Variants in URB1 observed in about 807,000 individuals in gnomAD.
URB1 encodes nucleolar pre-ribosomal-associated protein 1.
In URB1, 197 loss-of-function variants were observed where a neutral mutation model predicts 242.3. That is an observed-to-expected ratio of 0.81 (90% CI 0.72 to 0.91). The LOEUF is 0.91. URB1 is among the 40% of genes least tolerant of loss of function. URB1 has a pLI of 0.00. For synonymous variants in URB1, 1,153 were observed against 1,201.8 expected (o/e 0.96, Z 0.84); for missense variants, 2,721 against 2,860.5 (o/e 0.95, Z 1.11).
intron 28 of URB1, 32 bp downstream of exon 28, chr21:32,337,062 A>G: frequency 6.5e-7 from 1 of 1,546,318 alleles, no homozygotes; most frequent in Non-Finnish European, 8.8e-7. Context: ...CTGTGACCTC[A>G]AGGCCTAGTC....
rs932270408 is a variant in URB1 at position 32,317,165 on chromosome 21, T to C, written c.6035-100A>G. 7.0e-6 allele frequency: 10 copies of C among 1,428,638 alleles called. No individual in the cohort carries two copies. The Admixed American group carries it at 2.8e-4, about 41-fold the overall frequency. 88.5% of individuals were successfully genotyped at this position (1,428,638 alleles called of 1,614,324 possible). A position where few individuals can be genotyped will look rare whatever the true frequency, so the allele number is the denominator to read the frequency against. ...TCAATGGGGGACACGAGGGGCGGCT[T>C]GCATGTCCTGAGCACCCGGCCCTGC... On this transcript the variant is annotated intron_variant, in intron 37 of 38. Coordinates refer to ENST00000382751, the MANE Select transcript of URB1 (RefSeq NM_014825.3).
chr21:32,392,994 T>C lies in URB1; in HGVS notation c.-84A>G, dbSNP rs2033658643. On this transcript the variant is annotated 5_prime_UTR_variant, in exon 1 of 39. The change abolishes the stop of an existing upstream ORF in the 5' untranslated region. Transcript: ENST00000382751. ...CTGGCACAGACAGCAGACACGCGCT[T>C]CAGGCCCACATGGCGCAGGAAGAGG... is the stretch of plus-strand genomic sequence containing the variant. The C allele has an allele frequency of 7.1e-7, 1 of 1,400,174 alleles. No homozygotes were observed. The highest frequency in any genetic ancestry group is 2.7e-5 in the East Asian group (1 of 36,844). 86.7% of individuals were successfully genotyped at this position (1,400,174 alleles called of 1,614,324 possible). A position where few individuals can be genotyped will look rare whatever the true frequency, so the allele number is the denominator to read the frequency against.
intron 15 of URB1, among the ~76,000 whole-genome samples, chr21:32,356,306 C>T (rs2033219853): frequency 6.6e-6 from 1 of 152,190 alleles, no homozygotes; most frequent in African/African-American, 2.4e-5. Flanking sequence ...TTGGGAGGAT[C>T]ACTTGAGCCC....
Position 32,333,300 on chromosome 21 carries a change from G to C in URB1, c.4960+17C>G. ...TCATGCATAGCAAGCCCTGACCCAAGAGAAGACTGCAGTTACCTGGCCTGG... is the reference window on the plus strand; with the variant it reads ...TCATGCATAGCAAGCCCTGACCCAACAGAAGACTGCAGTTACCTGGCCTGG... On this transcript the variant is annotated intron_variant, in intron 30 of 38. Transcript: ENST00000382751. 6.4e-7 allele frequency: 1 copy of C among 1,550,538 alleles called. No individual in the cohort carries two copies. The highest frequency in any genetic ancestry group is 8.7e-7 in the Non-Finnish European group (1 of 1,145,806).
At chr21:32,374,343 C>T (rs930674483) in intron 6 of URB1, among the ~76,000 whole-genome samples, 1 of 152,168 alleles carries the variant, frequency 6.6e-6, no homozygotes, top group African/African-American at 2.4e-5. Context: ...AACCTAACCC[C>T]AGAATCCCTA....
rs537249629 is a variant in URB1, at chr21:32,345,310, T to C, written c.4070+64A>G. ...GCAGCAGTTTTTCAATGACTTACTC[T>C]ATGAATTAAAAAAAAAATGACACCG... is the stretch of plus-strand genomic sequence containing the variant. On this transcript the variant is annotated intron_variant, in intron 23 of 38. Transcript: ENST00000382751. 351 of 1,507,744 alleles carry C rather than the reference T, an allele frequency of 2.3e-4. 5 individuals carry two copies. The South Asian group carries it at 4.0e-3, about 17-fold the overall frequency. The allele number at this position is 1,507,744 out of a possible 1,614,324, so 93.4% of individuals were successfully genotyped here.
At chr21:32,384,548 G>T (rs2033560859) in intron 2 of URB1, 84 bp from the exon 3 acceptor site, 1 of 1,475,556 alleles carries the variant, frequency 6.8e-7, no homozygotes, top group African/African-American at 1.4e-5. Context: ...CTTAGCCATA[G>T]TTACTTGTAG....
At chr21:32,369,975 C>CAAAAA (rs34377037) in intron 8 of URB1, among the ~76,000 whole-genome samples, 1 of 88,556 alleles carries the variant, frequency 1.1e-5, no homozygotes, top group African/African-American at 4.0e-5. Flanking sequence ...GTCTCCATCT[C>CAAAAA]AAAAAAAAAA....
At chr21:32,337,565 A>C in intron 26 of URB1, 51 bp from the exon 27 acceptor site, 1 of 1,469,284 alleles carries the variant, frequency 6.8e-7, no homozygotes, top group Non-Finnish European at 9.3e-7. Flanking sequence ...AGACACACTG[A>C]ATACCAGAAG....
At chr21:32,372,077 C>G (rs1244064135) in intron 8 of URB1, among the ~76,000 whole-genome samples, 2 of 152,196 alleles carry the variant, frequency 1.3e-5, no homozygotes, top group Non-Finnish European at 2.9e-5. Flanking sequence ...CAACCTCTGC[C>G]ATTTAACCAG....
At chr21:32,332,227 A>G (rs898569272) in intron 30 of URB1, among the ~76,000 whole-genome samples, 57 of 152,142 alleles carry the variant, frequency 3.7e-4, no homozygotes, top group Non-Finnish European at 8.8e-5. Context: ...AGATAGAAAC[A>G]TAAGAAAAAT....
chr21:32,316,534 C>A lies in URB1; in HGVS notation c.6566G>T (p.Ser2189Ile), dbSNP rs1034656760. 3.9e-6 allele frequency: 6 copies of A among 1,550,340 alleles called. No individual in the cohort carries two copies. The African/African-American group carries it at 8.2e-5, about 21-fold the overall frequency. The stretch of plus-strand genomic sequence containing the variant: ...GGCTTCCATGGCCGGGTGGAAGGGG[C>A]TCCCTGCCCGGCCCTGGGCAGCCAC... ...QLVAAQGRAG[S>I]PFHPAMEALS... The change falls in exon 38 of 39, where the codon AGC becomes ATC. Residue 2189 changes from serine to isoleucine, a missense_variant. By Grantham distance (142) the Ser-to-Ile change is moderately radical (BLOSUM62 -2). Coordinates refer to ENST00000382751, the MANE Select transcript of URB1 (RefSeq NM_014825.3).
rs200312105 is a variant in URB1, at chr21:32,349,333, C to T, written c.2983G>A (p.Val995Met). 2.8e-3 allele frequency: 4,262 copies of T among 1,548,836 alleles called. 10 individuals are homozygous for T. Among genetic ancestry groups the T allele is most frequent in the East Asian group, 6.0e-3 (245 of 40,854 alleles). ...TCATTGGCCAACTCCAGCGAGGCCA[C>T]GGACTCCATGTCCAGGAAGAGGTCG... ...EADLFLDMES[V>M]ASLELANDQT... Residue 995 changes from valine (V) to methionine (M), a missense_variant, in exon 21 of 39, where the codon GTG (valine) becomes ATG (methionine). Coordinates refer to ENST00000382751, the MANE Select transcript of URB1 (RefSeq NM_014825.3).
intron 30 of URB1, among the ~76,000 whole-genome samples, chr21:32,327,051 T>G (rs1184259461): frequency 6.6e-6 from 1 of 151,964 alleles, no homozygotes. Context: ...TGGCCAAAAC[T>G]TTTTGAAATC....
At chr21:32,331,248 C>G (rs1186721429) in intron 30 of URB1, among the ~76,000 whole-genome samples, 1 of 152,138 alleles carries the variant, frequency 6.6e-6, no homozygotes, top group Admixed American at 6.5e-5. Flanking sequence ...CAACAGTTCT[C>G]CCTCTAGAAT....
rs763857348 is a variant in URB1, at chr21:32,361,129, CA to C, written c.1640-7del. ...AAGAATGGTTTCTGCATCATCTGCA[CA>C]AAAAAAAGAAAAAGAAAGAAAAAGA... On this transcript the variant is annotated splice_region_variant and splice_polypyrimidine_tract_variant and intron_variant, in intron 12 of 38. Transcript: ENST00000382751. 3.0e-5 allele frequency: 33 copies of C among 1,103,884 alleles called. No homozygotes were observed. The highest frequency in any genetic ancestry group is 1.4e-4 in the Admixed American group (2 of 14,660). 68.4% of individuals were successfully genotyped at this position (1,103,884 alleles called of 1,614,324 possible).
intron 21 of URB1, among the ~76,000 whole-genome samples, chr21:32,348,518 A>G (rs2033120303): frequency 6.6e-6 from 1 of 152,148 alleles, no homozygotes; most frequent in African/African-American, 2.4e-5. Flanking sequence ...ATTAGAGAAT[A>G]ATTTCATTCA....
intron 9 of URB1, 29 bp from the exon 10 acceptor site, chr21:32,366,784 G>A: frequency 1.3e-6 from 2 of 1,547,190 alleles, no homozygotes; most frequent in Non-Finnish European, 1.7e-6. Flanking sequence ...AGATTTAGGT[G>A]GTGCTAGAAG....
intron 38 of URB1, among the ~76,000 whole-genome samples, chr21:32,315,314 TAAAAAA>T (rs66474832): frequency 7.3e-6 from 1 of 136,468 alleles, no homozygotes; most frequent in African/African-American, 2.7e-5. Context: ...TTCTTTTCTT[TAAAAAA>T]AAAAAAAAAA....
Sources: gnomAD v4.1 joint callset for allele counts (sites outside exome capture counted in the v4.1 genomes callset) on GRCh38, gnomAD v4.1.1 for gene constraint, MANE v1.5 for transcripts, NCBI Gene and HGNC (gene_info 2026-07-23, HGNC 2026-07-21) for gene names.